The following CCDC3 variants were observed in gnomAD, a reference collection of about 807,000 sequenced individuals.
The protein encoded by CCDC3 is coiled-coil domain-containing protein 3.
Under a neutral mutation model 21.4 loss-of-function variants are expected in CCDC3, and 24 were observed. The ratio of observed to expected loss-of-function variants is 1.12; its 90% CI spans 0.81 to 1.58. The LOEUF (loss-of-function observed/expected upper bound fraction) is 1.58. CCDC3 is among the 40% of genes most tolerant of loss of function. The pLI, the probability that CCDC3 is intolerant of heterozygous loss-of-function variation, is 0.00. For missense variants in CCDC3, 425 were observed against 360.9 expected, an observed-to-expected ratio of 1.18 and a Z score of -1.44; for synonymous variants, 186 against 166.0, an observed-to-expected ratio of 1.12 and a Z score of -0.93.
chr10:12,993,186 G>A (rs1295171889), intron 2 of CCDC3, among the ~76,000 whole-genome samples: 1 of 152,200 alleles, frequency 6.6e-6, no homozygotes, highest in African/African-American at 2.4e-5. Context: ...TCAGCTTCCA[G>A]TAATAAGCCC....
chr10:12,945,354 AAG>A (rs1834899034), intron 2 of CCDC3, among the ~76,000 whole-genome samples: 2 of 152,190 alleles, frequency 1.3e-5, no homozygotes, highest in Admixed American at 1.3e-4. Context: ...TAAAGGCAAA[AAG>A]AGAATAATTT....
intron 3 of CCDC3, among the ~76,000 whole-genome samples, chr10:13,095,227 G>A (rs898385411): frequency 6.6e-6 from 1 of 152,094 alleles, no homozygotes; most frequent in Admixed American, 6.6e-5. Flanking sequence ...ACTCATCCTC[G>A]GAATATTTGG....
At chr10:13,078,524 G>T (rs918441664) in intron 3 of CCDC3, among the ~76,000 whole-genome samples, 1 of 152,196 alleles carries the variant, frequency 6.6e-6, no homozygotes, top group Non-Finnish European at 1.5e-5. Context: ...ATACCCAAAG[G>T]ATTGTAAATT....
intron 2 of CCDC3, among the ~76,000 whole-genome samples, chr10:12,903,800 T>G (rs1312913052): frequency 6.6e-6 from 1 of 152,232 alleles, no homozygotes; most frequent in East Asian, 1.9e-4. Flanking sequence ...CCATACTTCC[T>G]TATCTGTCTA....
intron 4 of CCDC3, among the ~76,000 whole-genome samples, chr10:13,067,755 A>G (rs1423530504): frequency 6.6e-6 from 1 of 152,164 alleles, no homozygotes; most frequent in African/African-American, 2.4e-5. Flanking sequence ...CCTTTCTCTG[A>G]GCACCTGGGA....
intron 2 of CCDC3, among the ~76,000 whole-genome samples, chr10:12,944,780 T>C (rs1432780968): frequency 2.0e-5 from 3 of 152,238 alleles, no homozygotes; most frequent in Non-Finnish European, 2.9e-5. Flanking sequence ...CAAAATTTGT[T>C]AGCAAGAAAA....
intron 2 of CCDC3, among the ~76,000 whole-genome samples, chr10:12,960,087 G>C (rs1473492752): frequency 6.6e-6 from 1 of 152,072 alleles, no homozygotes; most frequent in African/African-American, 2.4e-5. Context: ...CTGGGAGGCA[G>C]AGGTTGCAGT....
chr10:12,995,547 T>A (rs1310092839), intron 2 of CCDC3, among the ~76,000 whole-genome samples: 1 of 152,202 alleles, frequency 6.6e-6, no homozygotes, highest in Non-Finnish European at 1.5e-5. Flanking sequence ...CAGCCCACAA[T>A]GGGCTAATTT....
In CCDC3 at chr10:13,067,699, G is replaced by T. The variant is rs550560303; in HGVS notation, c.-270+6169C>A. Among the ~76,000 whole-genome samples the T allele has an allele frequency of 3.5e-4, 53 of 152,158 alleles. 1 individual carries two copies. The highest frequency in any genetic ancestry group is 1.2e-3 in the Admixed American group (19 of 15,282). ...GTCCTTTCTGGTTTGATATCTGCAT[G>T]ATCTGTTGCTGATTCTCTTCCCCTC... On this transcript the variant is annotated intron_variant, in intron 4 of 6. Transcript: ENST00000378839.
At chr10:13,043,105 T>A (rs1836483501) in intron 5 of CCDC3, among the ~76,000 whole-genome samples, 1 of 152,144 alleles carries the variant, frequency 6.6e-6, no homozygotes, top group African/African-American at 2.4e-5. Context: ...GGGGTACATG[T>A]CAGGTTTGTT....
At chr10:13,086,668 G>A (rs908628315) in intron 3 of CCDC3, among the ~76,000 whole-genome samples, 2 of 152,106 alleles carry the variant, frequency 1.3e-5, no homozygotes, top group Non-Finnish European at 2.9e-5. Flanking sequence ...GGATGGTCTC[G>A]ATCTCCTGAC....
intron 2 of CCDC3, among the ~76,000 whole-genome samples, chr10:12,977,929 C>T (rs1272124782): frequency 2.0e-5 from 3 of 152,102 alleles, no homozygotes; most frequent in Non-Finnish European, 4.4e-5. Context: ...CAGGCCCGGG[C>T]TTGTGCGTGG....
At chr10:12,963,527 T>C (rs1211999392) in intron 2 of CCDC3, among the ~76,000 whole-genome samples, 1 of 152,128 alleles carries the variant, frequency 6.6e-6, no homozygotes, top group Non-Finnish European at 1.5e-5. Context: ...TTATTATGTA[T>C]GTTGCCTAAT....
At chr10:13,004,274 TCACTA>T (rs146003806), upstream of CCDC3, among the ~76,000 whole-genome samples, 49,747 of 151,700 alleles carry the variant, frequency 0.33, 8,303 homozygotes, top group Non-Finnish European at 0.36. Flanking sequence ...AATTAAGTCT[TCACTA>T]AACTGTTACA....
chr10:12,965,369 ATCT>A (rs1835245681), intron 2 of CCDC3, among the ~76,000 whole-genome samples: 1 of 152,146 alleles, frequency 6.6e-6, no homozygotes, highest in Admixed American at 6.5e-5. Flanking sequence ...TAGAGGGAAA[ATCT>A]TCTCCCTCCT....
chr10:12,900,103 A>G (rs1834069767), intron 2 of CCDC3, among the ~76,000 whole-genome samples: 3 of 152,274 alleles, frequency 2.0e-5, no homozygotes, highest in Middle Eastern at 3.4e-3. Context: ...CTTTGAGCCT[A>G]TTCACCTCCA....
At chr10:13,053,314 A>G (rs1836636713) in intron 4 of CCDC3, among the ~76,000 whole-genome samples, 1 of 152,190 alleles carries the variant, frequency 6.6e-6, no homozygotes, top group Non-Finnish European at 1.5e-5. Context: ...CATGCCTGTA[A>G]TCCTAACACT....
chr10:12,902,767 G>A lies in CCDC3; in HGVS notation c.550-4088C>T, dbSNP rs564643575. ...ACAACACTCTTCACAGTTAGCCCTC[G>A]ACCATGGACACAGCTGTTCTCCAGG... On this transcript the variant is annotated intron_variant, in intron 2 of 2. Transcript: ENST00000378825. Among the ~76,000 whole-genome samples the A allele has an allele frequency of 7.8e-4, 119 of 152,212 alleles. 2 individuals are homozygous for A. Among genetic ancestry groups the A allele is most frequent in the African/African-American group, 2.8e-3 (115 of 41,526 alleles).
At chr10:12,953,440 A>C (rs1332860199) in intron 2 of CCDC3, among the ~76,000 whole-genome samples, 1 of 152,246 alleles carries the variant, frequency 6.6e-6, no homozygotes. Context: ...ATCTGTAGGG[A>C]TATACTGAGG....
Sources: gnomAD v4.1 joint callset for allele counts (sites outside exome capture counted in the v4.1 genomes callset) on GRCh38, gnomAD v4.1.1 for gene constraint, MANE v1.5 for transcripts, NCBI Gene and HGNC (gene_info 2026-07-23, HGNC 2026-07-21) for gene names.